IDO2: variants seen among roughly 807,000 people sequenced by gnomAD.
IDO2 encodes the protein indoleamine 2,3-dioxygenase 2.
Under a neutral mutation model 45.1 loss-of-function variants are expected in IDO2, and 46 were observed. The observed-to-expected ratio is 1.02, with a 90% confidence interval of 0.80 to 1.30. The LOEUF is 1.30. IDO2 is among the 50% of genes most tolerant of loss of function. The pLI is 0.00. For synonymous variants in IDO2, 218 were observed against 184.9 expected (o/e 1.18, Z -1.45); for missense variants, 544 against 491.8 (o/e 1.11, Z -1.00).
chr8:39,952,628 G>C (rs985755984), intron 2 of IDO2, among the ~76,000 whole-genome samples: 14 of 152,152 alleles, frequency 9.2e-5, no homozygotes, highest in African/African-American at 3.4e-4. Context: ...CGTGTGTAGA[G>C]GGGGCATGGA....
At chr8:40,002,713 G>A (rs1179935449) in intron 8 of IDO2, among the ~76,000 whole-genome samples, 1 of 152,110 alleles carries the variant, frequency 6.6e-6, no homozygotes. Context: ...CTGGCAGGCG[G>A]GGGGTGCAGT....
intron 5 of IDO2, among the ~76,000 whole-genome samples, chr8:39,983,351 T>C (rs1025942508): frequency 3.9e-5 from 6 of 152,220 alleles, no homozygotes; most frequent in Non-Finnish European, 8.8e-5. Flanking sequence ...TGATCTGAGA[T>C]GTTAAATTTT....
chr8:39,940,803 C>G (rs10755980), intron 1 of IDO2, among the ~76,000 whole-genome samples: 63,803 of 151,378 alleles, frequency 0.42, 13,614 homozygotes, highest in East Asian at 0.59. Context: ...AAGAAATGAT[C>G]ACTGTTTCGG....
At chr8:39,934,888 T>G (rs945699772) in exon 1 of IDO2, 1 of 501,596 alleles carries the variant, frequency 2.0e-6, no homozygotes. Context: ...GTTGGAAATC[T>G]GCCTGGTAAG....
At chr8:39,983,470 T>A (rs959173265) in intron 5 of IDO2, among the ~76,000 whole-genome samples, 1 of 152,216 alleles carries the variant, frequency 6.6e-6, no homozygotes, top group Admixed American at 6.5e-5. Flanking sequence ...AGGTTTGATA[T>A]GAGGAAGAAC....
At chr8:40,006,643 A>ATTTTATTTTATT (rs1554549662) in intron 9 of IDO2, among the ~76,000 whole-genome samples, 1 of 146,722 alleles carries the variant, frequency 6.8e-6, no homozygotes, top group African/African-American at 2.5e-5. Context: ...GAACTCTACT[A>ATTTTATTTTATT]TTATTTTATT....
chr8:39,940,740 C>A (rs780041344), intron 1 of IDO2, among the ~76,000 whole-genome samples: 24 of 152,058 alleles, frequency 1.6e-4, no homozygotes, highest in Non-Finnish European at 3.1e-4. Context: ...CCTCCTCCCC[C>A]TATTCATCCC....
chr8:39,975,515 A>G (rs1410486972), intron 3 of IDO2, among the ~76,000 whole-genome samples: 1 of 152,246 alleles, frequency 6.6e-6, no homozygotes, highest in Non-Finnish European at 1.5e-5. Context: ...AGTTCCCAAT[A>G]TATCATCTGA....
intron 8 of IDO2, among the ~76,000 whole-genome samples, chr8:39,997,305 G>A (rs572914946): frequency 5.9e-5 from 9 of 152,234 alleles, no homozygotes; most frequent in African/African-American, 1.4e-4. Flanking sequence ...TACAATACAT[G>A]CAGGAGTCTT....
intron 2 of IDO2, among the ~76,000 whole-genome samples, chr8:39,952,204 G>C (rs1807824177): frequency 6.6e-6 from 1 of 152,162 alleles, no homozygotes; most frequent in Non-Finnish European, 1.5e-5. Flanking sequence ...AAAATCACCA[G>C]GCAGAGTGTT....
chr8:39,972,242 TA>T lies in IDO2; in HGVS notation c.196-6816del, dbSNP rs559907654. Among the ~76,000 whole-genome samples, 417 of 151,706 alleles carry T rather than the reference TA, an allele frequency of 2.7e-3. 3 individuals are homozygous for T. The highest frequency in any genetic ancestry group is 4.1e-3 in the Non-Finnish European group (278 of 67,848). On this transcript the variant is annotated intron_variant, in intron 3 of 10. Transcript: ENST00000502986. ...ATGTTGCTGAACATTGTTGAAATGA[TA>T]AAAAAAAATTAGAATGTTCCATAAA...
At chr8:40,005,197 C>A in intron 8 of IDO2, 130 bp from the exon 9 acceptor site, 1 of 507,864 alleles carries the variant, frequency 2.0e-6, no homozygotes. Flanking sequence ...CCCGTTGCTG[C>A]AGCTTTCATT....
intron 2 of IDO2, among the ~76,000 whole-genome samples, chr8:39,951,484 A>G (rs1303022825): frequency 6.6e-6 from 1 of 152,132 alleles, no homozygotes; most frequent in Non-Finnish European, 1.5e-5. Context: ...AATTCGGATG[A>G]GTCGGTCACG....
At chr8:40,007,496 G>T (rs1802240904) in intron 9 of IDO2, among the ~76,000 whole-genome samples, 2 of 151,466 alleles carry the variant, frequency 1.3e-5, no homozygotes, top group Middle Eastern at 3.2e-3. Flanking sequence ...CAGAAATGGA[G>T]CTGGGAGTGT....
Position 40,007,492 on chromosome 8 carries a change from T to C in IDO2, c.719+2114T>C, listed in dbSNP as rs563596725. 3.3e-5 allele frequency among the ~76,000 whole-genome samples: 5 copies of C among 151,548 alleles called. No homozygotes were observed. The South Asian group carries it at 8.3e-4, about 25-fold the overall frequency. Reference sequence around the variant, plus strand: ...GAAAACAAAAAGAAGGGTGCAGAAATGGAGCTGGGAGTGTGTTTTAGTATT... The same window carrying C: ...GAAAACAAAAAGAAGGGTGCAGAAACGGAGCTGGGAGTGTGTTTTAGTATT... On this transcript the variant is annotated intron_variant, in intron 9 of 10. Transcript: ENST00000502986.
chr8:39,984,256 C>T (rs1808392607), intron 5 of IDO2, among the ~76,000 whole-genome samples: 1 of 152,146 alleles, frequency 6.6e-6, no homozygotes, highest in South Asian at 2.1e-4. Context: ...GGGCAGGTCA[C>T]CTGAGATCAG....
intron 2 of IDO2, among the ~76,000 whole-genome samples, chr8:39,950,486 A>G (rs868501819): frequency 5.3e-5 from 8 of 152,172 alleles, no homozygotes; most frequent in African/African-American, 1.9e-4. Context: ...AGTGGAGATC[A>G]TGCTGTTGGG....
intron 2 of IDO2, 77 bp downstream of exon 2, chr8:39,949,341 A>T (rs1807782475): frequency 1.8e-6 from 2 of 1,091,322 alleles, no homozygotes; most frequent in Non-Finnish European, 2.7e-6. Flanking sequence ...TTAAAAATGT[A>T]TGTGATTATT....
At chr8:39,967,626 T>C (rs910605020) in intron 3 of IDO2, among the ~76,000 whole-genome samples, 3 of 152,272 alleles carry the variant, frequency 2.0e-5, no homozygotes, top group African/African-American at 2.4e-5. Flanking sequence ...TAGCTGGGAT[T>C]ACAGGCACCC....
Sources: allele counts gnomAD v4.1 joint callset (sites outside exome capture counted in the v4.1 genomes callset), GRCh38; gene constraint gnomAD v4.1.1; transcripts MANE v1.5; gene names NCBI Gene and HGNC (gene_info 2026-07-23, HGNC 2026-07-21).